The following GPHN variants were observed in gnomAD, a reference collection of about 807,000 sequenced individuals.
The protein encoded by GPHN is gephyrin.
GPHN carries 17 observed loss-of-function variants against 95.5 expected under a neutral mutation model. The ratio of observed to expected loss-of-function variants is 0.18; its 90% CI spans 0.12 to 0.27. The LOEUF (loss-of-function observed/expected upper bound fraction) is 0.27, where lower values mean the gene tolerates loss of function less well. Among genes scored for constraint, GPHN ranks in the 10% least tolerant of loss-of-function variants. GPHN has a pLI of 1.00. For synonymous variants in GPHN, 320 were observed against 322.5 expected, an observed-to-expected ratio of 0.99 and a Z score of 0.08; for missense variants, 660 against 978.1, an observed-to-expected ratio of 0.67 and a Z score of 4.34.
At chr14:67,152,577 A>G (rs2081344513) in intron 18 of GPHN, among the ~76,000 whole-genome samples, 1 of 152,214 alleles carries the variant, frequency 6.6e-6, no homozygotes, top group African/African-American at 2.4e-5. Flanking sequence ...ATGCTGAAAT[A>G]ATTTGCTAAT....
chr14:67,363,662 A>G, the GPHN span, among the ~76,000 whole-genome samples: 1 of 152,182 alleles, frequency 6.6e-6, no homozygotes, highest in Admixed American at 6.5e-5. Context: ...ACTAGGGAGA[A>G]AGTTGTACCA....
intron 9 of GPHN, among the ~76,000 whole-genome samples, chr14:66,993,199 T>G (rs2071547823): frequency 6.6e-6 from 1 of 152,074 alleles, no homozygotes; most frequent in South Asian, 2.1e-4. Flanking sequence ...CATTTTTATT[T>G]TCTTCTTTTT....
At chr14:67,070,715 A>AAAAAAAAAATATATAT in intron 11 of GPHN, among the ~76,000 whole-genome samples, 1 of 80,702 alleles carries the variant, frequency 1.2e-5, no homozygotes, top group African/African-American at 1.3e-4. Flanking sequence ...AAAAAAAAAA[A>AAAAAAAAAATATATAT]ATATATATAT....
At chr14:67,342,381 C>T in the GPHN span, among the ~76,000 whole-genome samples, 2 of 151,638 alleles carry the variant, frequency 1.3e-5, no homozygotes, top group African/African-American at 4.8e-5. Context: ...GTGCTGAATT[C>T]TATGAATATA....
intron 1 of GPHN, among the ~76,000 whole-genome samples, chr14:66,574,272 C>G (rs2060817533): frequency 6.6e-6 from 1 of 152,124 alleles, no homozygotes. Context: ...TAACCATTTA[C>G]TAAAACTATA....
At chr14:67,290,495 C>G in the GPHN span, among the ~76,000 whole-genome samples, 8,386 of 152,290 alleles carry the variant, frequency 0.055, 317 homozygotes, top group Non-Finnish European at 0.087. Flanking sequence ...TCTCCCACCT[C>G]AGCCTAATGA....
chr14:66,842,529 A>G (rs1315213071), intron 4 of GPHN: 2 of 602,126 alleles, frequency 3.3e-6, no homozygotes, highest in Non-Finnish European at 5.8e-6. Context: ...AACTTTTCCC[A>G]TAACTCAGAA....
the GPHN span, among the ~76,000 whole-genome samples, chr14:67,481,701 C>T: frequency 6.6e-6 from 1 of 152,156 alleles, no homozygotes; most frequent in Non-Finnish European, 1.5e-5. Flanking sequence ...GGCTCGCCCA[C>T]CCCATACAGG....
the GPHN span, among the ~76,000 whole-genome samples, chr14:67,547,437 G>A: frequency 1.3e-5 from 2 of 152,184 alleles, no homozygotes; most frequent in Non-Finnish European, 2.9e-5. Flanking sequence ...GTTATAGATC[G>A]CAGGAAGAGA....
chr14:66,890,016 A>G (rs1278164836), intron 5 of GPHN, among the ~76,000 whole-genome samples: 1 of 152,180 alleles, frequency 6.6e-6, no homozygotes, highest in Non-Finnish European at 1.5e-5. Context: ...ACCCAGACGA[A>G]GTGGACAAAC....
In GPHN at chr14:67,136,857, G is replaced by A. The variant is rs546458486; in HGVS notation, c.1749-6505G>A. Among the ~76,000 whole-genome samples, 223 of 152,206 alleles carry A rather than the reference G, an allele frequency of 1.5e-3. 1 individual carries two copies. The highest frequency in any genetic ancestry group is 2.6e-3 in the Non-Finnish European group (180 of 68,006). On this transcript the variant is annotated intron_variant, in intron 17 of 22. Transcript: ENST00000478722. Reference sequence around the variant, plus strand: ...TTTAATTATTCAAATGAAAATGAATGGGAAGTGTTAGTAAATCAAGATTCA... The same window carrying A: ...TTTAATTATTCAAATGAAAATGAATAGGAAGTGTTAGTAAATCAAGATTCA...
chr14:66,584,782 C>T (rs191332865), intron 1 of GPHN, among the ~76,000 whole-genome samples: 5,903 of 152,112 alleles, frequency 0.039, 173 homozygotes, highest in Middle Eastern at 0.065. Flanking sequence ...CTGCTGGATT[C>T]GGTTTGCCAG....
the GPHN span, among the ~76,000 whole-genome samples, chr14:67,458,198 C>A: frequency 2.6e-5 from 4 of 152,070 alleles, no homozygotes; most frequent in Non-Finnish European, 4.4e-5. Context: ...CATTAGAGTG[C>A]GTACAGGGTG....
Position 67,159,597 on chromosome 14 carries a change from CA to C in GPHN, c.1910+118del, listed in dbSNP as rs147631769. 0.069 allele frequency: 51,359 copies of C among 740,426 alleles called. 1,965 individuals are homozygous for C. The highest frequency in any genetic ancestry group is 0.095 in the Middle Eastern group (398 of 4,200). The allele number at this position is 740,426 out of a possible 1,614,324, so 45.9% of individuals were successfully genotyped here. A position where few individuals can be genotyped will look rare whatever the true frequency, so the allele number is the denominator to read the frequency against. On this transcript the variant is annotated intron_variant, in intron 19 of 22. Transcript: ENST00000478722. ...ATTTCCTATTATGAATTAACTATTC[CA>C]AAAAAAAAGAAATATAGTATTAGGA...
At chr14:66,529,188 G>T (rs867790460) in intron 1 of GPHN, among the ~76,000 whole-genome samples, 2 of 150,240 alleles carry the variant, frequency 1.3e-5, no homozygotes, top group African/African-American at 4.9e-5. Flanking sequence ...TTCTAATCTT[G>T]TCTTCATGTT....
At chr14:66,555,645 A>T (rs750182115) in intron 1 of GPHN, among the ~76,000 whole-genome samples, 73 of 152,108 alleles carry the variant, frequency 4.8e-4, no homozygotes, top group Non-Finnish European at 9.4e-4. Flanking sequence ...AATCCTGTGA[A>T]ATAGAACTGT....
At chr14:67,593,055 G>A in the GPHN span, among the ~76,000 whole-genome samples, 3 of 152,220 alleles carry the variant, frequency 2.0e-5, no homozygotes, top group East Asian at 3.8e-4. Flanking sequence ...CCAAAGTGCT[G>A]GGATTACAGG....
At chr14:67,142,226 A>C (rs760580265) in intron 17 of GPHN, among the ~76,000 whole-genome samples, 4 of 152,200 alleles carry the variant, frequency 2.6e-5, no homozygotes, top group Non-Finnish European at 4.4e-5. Context: ...CTCCTCAAAA[A>C]GTATATTTTC....
At chr14:66,630,263 A>C (rs1417429026) in intron 1 of GPHN, among the ~76,000 whole-genome samples, 3 of 152,170 alleles carry the variant, frequency 2.0e-5, no homozygotes, top group African/African-American at 7.2e-5. Flanking sequence ...GAAGTAGAAA[A>C]GTTTATAAGT....
Sources: allele counts gnomAD v4.1 joint callset (sites outside exome capture counted in the v4.1 genomes callset), GRCh38; gene constraint gnomAD v4.1.1; transcripts MANE v1.5; gene names NCBI Gene and HGNC (gene_info 2026-07-23, HGNC 2026-07-21).